The following DOK5 variants were observed in gnomAD, a reference collection of about 807,000 sequenced individuals.
The protein encoded by DOK5 is docking protein 5.
In DOK5, 27 loss-of-function variants were observed where a neutral mutation model predicts 43.3. The observed-to-expected ratio is 0.62, with a 90% confidence interval of 0.46 to 0.86. The LOEUF (loss-of-function observed/expected upper bound fraction) is 0.86, where lower values mean the gene tolerates loss of function less well. Ranked by LOEUF, DOK5 falls within the 40% of genes least tolerant of loss-of-function variation. The pLI is 0.00. For synonymous variants in DOK5, 146 were observed against 140.1 expected (o/e 1.04, Z -0.30); for missense variants, 373 against 392.9 (o/e 0.95, Z 0.43).
At chr20:54,564,059 T>C (rs977745770) in intron 2 of DOK5, among the ~76,000 whole-genome samples, 2 of 152,204 alleles carry the variant, frequency 1.3e-5, no homozygotes, top group Non-Finnish European at 2.9e-5. Context: ...ACTCCTATTT[T>C]CTTTCAGTTA....
At chr20:54,555,310 C>T in intron 2 of DOK5, 1 of 330,158 alleles carries the variant, frequency 3.0e-6, no homozygotes, top group Admixed American at 4.1e-5. Context: ...GTACTCCCTA[C>T]ACTGAAGCCC....
At chr20:54,500,559 T>G (rs911085809) in intron 1 of DOK5, among the ~76,000 whole-genome samples, 1 of 137,040 alleles carries the variant, frequency 7.3e-6, no homozygotes, top group Non-Finnish European at 1.5e-5. Context: ...CCCAGTGTAT[T>G]TTTTTTTTTT....
intron 1 of DOK5, among the ~76,000 whole-genome samples, chr20:54,526,735 A>G (rs1394870554): frequency 6.6e-6 from 1 of 152,208 alleles, no homozygotes; most frequent in Non-Finnish European, 1.5e-5. Flanking sequence ...GTATCTCTTT[A>G]TATACATGGC....
In DOK5 at chr20:54,555,149, T is replaced by A. The variant is rs145773143; in HGVS notation, c.174+109T>A. 123 of 715,340 alleles carry A rather than the reference T, an allele frequency of 1.7e-4. No individual in the cohort carries two copies. In the African/African-American group the frequency reaches 2.0e-3, roughly 12 times the overall value. 44.3% of individuals were successfully genotyped at this position (715,340 alleles called of 1,614,324 possible). ...TTTAACAAAGGTACAAGCAATATCT[T>A]TTCCAAGGACAAAACACCCCTAAAA... is the stretch of plus-strand genomic sequence containing the variant. On this transcript the variant is annotated intron_variant, in intron 2 of 7. Coordinates refer to ENST00000262593, the MANE Select transcript of DOK5 (RefSeq NM_018431.5).
intron 1 of DOK5, among the ~76,000 whole-genome samples, chr20:54,501,655 G>A (rs542067278): frequency 2.0e-5 from 3 of 152,008 alleles, no homozygotes; most frequent in Non-Finnish European, 4.4e-5. Flanking sequence ...TGTATATTTC[G>A]ACCCTTAGCA....
intron 1 of DOK5, among the ~76,000 whole-genome samples, chr20:54,551,841 T>A (rs1984541953): frequency 6.6e-6 from 1 of 152,230 alleles, no homozygotes; most frequent in Non-Finnish European, 1.5e-5. Flanking sequence ...TGTTTTGTTT[T>A]GTTTTTTTGG....
chr20:54,619,269 G>A (rs1313568030), intron 6 of DOK5, among the ~76,000 whole-genome samples: 1 of 151,612 alleles, frequency 6.6e-6, no homozygotes, highest in African/African-American at 2.4e-5. Context: ...CTGTGAATGA[G>A]GCGGGGAGGC....
intron 1 of DOK5, among the ~76,000 whole-genome samples, chr20:54,524,037 TG>T (rs530557207): frequency 6.6e-6 from 1 of 152,014 alleles, no homozygotes; most frequent in Non-Finnish European, 1.5e-5. Flanking sequence ...GTTTGTTAAA[TG>T]GGGGTTAACA....
At chr20:54,515,074 G>C (rs747121013) in intron 1 of DOK5, among the ~76,000 whole-genome samples, 2 of 151,744 alleles carry the variant, frequency 1.3e-5, no homozygotes, top group Non-Finnish European at 2.9e-5. Context: ...GCAATGGTGC[G>C]ATCTTGACTC....
chr20:54,521,069 G>A (rs1983377041), intron 1 of DOK5, among the ~76,000 whole-genome samples: 1 of 151,838 alleles, frequency 6.6e-6, no homozygotes, highest in East Asian at 1.9e-4. Flanking sequence ...TGGCCTTCTG[G>A]TTGAATGGTG....
chr20:54,620,285 C>G (rs971981791), intron 6 of DOK5, among the ~76,000 whole-genome samples: 6 of 152,210 alleles, frequency 3.9e-5, no homozygotes, highest in African/African-American at 7.2e-5. Context: ...GTTGCCCAGG[C>G]TGGAGTGCAG....
intron 1 of DOK5, among the ~76,000 whole-genome samples, chr20:54,500,347 G>T (rs964137342): frequency 2.0e-5 from 3 of 151,950 alleles, no homozygotes; most frequent in Non-Finnish European, 4.4e-5. Context: ...AATAGGGAAG[G>T]CCACATAGAT....
chr20:54,592,630 T>A (rs1986011947), intron 5 of DOK5, among the ~76,000 whole-genome samples: 1 of 150,948 alleles, frequency 6.6e-6, no homozygotes, highest in Admixed American at 6.6e-5. Flanking sequence ...AAGCTCCGCC[T>A]CCCGGGTTCA....
intron 6 of DOK5, among the ~76,000 whole-genome samples, chr20:54,611,240 T>C (rs1986641296): frequency 1.3e-5 from 2 of 152,160 alleles, no homozygotes; most frequent in Non-Finnish European, 2.9e-5. Flanking sequence ...CTTTACACTG[T>C]GCTGGGGACT....
intron 6 of DOK5, among the ~76,000 whole-genome samples, chr20:54,636,911 G>C (rs1463376753): frequency 1.3e-5 from 2 of 152,174 alleles, no homozygotes; most frequent in Admixed American, 6.5e-5. Context: ...GGACTTTTGG[G>C]GGGGACAAAC....
chr20:54,636,610 C>T (rs1978833247), intron 6 of DOK5, among the ~76,000 whole-genome samples: 1 of 152,158 alleles, frequency 6.6e-6, no homozygotes, highest in African/African-American at 2.4e-5. Flanking sequence ...CAATCAGCAG[C>T]CCCCATCCCC....
chr20:54,553,215 A>G (rs570337263), intron 1 of DOK5, among the ~76,000 whole-genome samples: 2 of 152,224 alleles, frequency 1.3e-5, no homozygotes, highest in East Asian at 3.9e-4. Flanking sequence ...TTTCTTTTTG[A>G]GACGGAGTCT....
At chr20:54,613,193 TCTCTCTCTCTCTCTCTCTCTCTCTC>T (rs1986705792) in intron 6 of DOK5, among the ~76,000 whole-genome samples, 1 of 43,902 alleles carries the variant, frequency 2.3e-5, no homozygotes, top group Non-Finnish European at 4.2e-5. Flanking sequence ...CTGCGCCTCA[TCTCTCTCTCTCTCTCTCTCTCTCTC>T]GTCACCTCTC....
chr20:54,516,956 C>T (rs77917986), intron 1 of DOK5, among the ~76,000 whole-genome samples: 41 of 152,278 alleles, frequency 2.7e-4, no homozygotes, highest in African/African-American at 8.9e-4. Context: ...CTCAGAGTCC[C>T]TCGTGTTACC....
Sources: allele counts gnomAD v4.1 joint callset (sites outside exome capture counted in the v4.1 genomes callset), GRCh38; gene constraint gnomAD v4.1.1; transcripts MANE v1.5; gene names NCBI Gene and HGNC (gene_info 2026-07-23, HGNC 2026-07-21).